Variants in SNX29 observed in about 807,000 individuals in gnomAD.
SNX29 encodes the protein sorting nexin-29.
In SNX29, 78 loss-of-function variants were observed where a neutral mutation model predicts 102.1. The observed-to-expected ratio is 0.76, with a 90% CI of 0.64 to 0.92. The LOEUF (loss-of-function observed/expected upper bound fraction) is 0.92. Ranked by LOEUF, SNX29 falls within the 40% of genes least tolerant of loss-of-function variation. The pLI, the probability that SNX29 is intolerant of heterozygous loss-of-function variation, is 0.00. For missense variants in SNX29, 1,280 were observed against 1,061.7 expected (o/e 1.21, Z -2.86); for synonymous variants, 580 against 414.5 (o/e 1.40, Z -4.85).
At chr16:12,004,079 C>T (rs556430069) in intron 3 of SNX29, among the ~76,000 whole-genome samples, 71 of 151,188 alleles carry the variant, frequency 4.7e-4, no homozygotes, top group African/African-American at 1.6e-3. Flanking sequence ...CAGTGGCTCA[C>T]GCCTGTAATC....
chr16:12,011,654 C>T (rs2056659220), intron 3 of SNX29, among the ~76,000 whole-genome samples: 1 of 152,002 alleles, frequency 6.6e-6, no homozygotes, highest in Admixed American at 6.6e-5. Context: ...ACTGCCTAGG[C>T]CATAATAAAC....
At chr16:12,411,736 C>G (rs2084405596) in intron 18 of SNX29, among the ~76,000 whole-genome samples, 1 of 152,096 alleles carries the variant, frequency 6.6e-6, no homozygotes, top group Non-Finnish European at 1.5e-5. Flanking sequence ...TAAAGGTAGC[C>G]TCGCTCTGCA....
intron 19 of SNX29, among the ~76,000 whole-genome samples, chr16:12,518,318 C>T (rs2089954265): frequency 6.6e-6 from 1 of 152,204 alleles, no homozygotes; most frequent in South Asian, 2.1e-4. Context: ...GCTGCTCACA[C>T]TGCAGTCTTA....
chr16:12,190,746 C>G (rs997942577), intron 13 of SNX29, among the ~76,000 whole-genome samples: 2 of 152,010 alleles, frequency 1.3e-5, no homozygotes, highest in Non-Finnish European at 2.9e-5. Context: ...CTCTGGGAGC[C>G]CTGACAGCTG....
intron 19 of SNX29, among the ~76,000 whole-genome samples, chr16:12,522,818 G>C (rs1182918931): frequency 6.6e-6 from 1 of 152,148 alleles, no homozygotes; most frequent in Non-Finnish European, 1.5e-5. Context: ...AGCAGTGTGA[G>C]AATGGACTAA....
intron 11 of SNX29, among the ~76,000 whole-genome samples, chr16:12,122,304 A>G (rs1350990385): frequency 6.6e-6 from 1 of 152,080 alleles, no homozygotes; most frequent in East Asian, 1.9e-4. Flanking sequence ...AAGACTCTAC[A>G]TGATGGGCTT....
At chr16:12,220,157 T>A (rs889187386) in intron 14 of SNX29, among the ~76,000 whole-genome samples, 11 of 151,082 alleles carry the variant, frequency 7.3e-5, no homozygotes, top group African/African-American at 2.7e-4. Context: ...GTAACAAGAA[T>A]GTGTGTTATT....
At chr16:12,401,508 C>T (rs576725213) in intron 17 of SNX29, among the ~76,000 whole-genome samples, 121 of 151,766 alleles carry the variant, frequency 8.0e-4, no homozygotes, top group Non-Finnish European at 1.2e-3. Flanking sequence ...GGACTACAGG[C>T]GCGTGCCACC....
chr16:12,217,479 C>T (rs770185300), intron 14 of SNX29, among the ~76,000 whole-genome samples: 1 of 152,160 alleles, frequency 6.6e-6, no homozygotes, highest in South Asian at 2.1e-4. Flanking sequence ...TTGAAACCTA[C>T]AGGTGGTAGT....
chr16:12,381,098 TCCAC>T (rs1404166432), intron 16 of SNX29, among the ~76,000 whole-genome samples: 7 of 4,668 alleles, frequency 1.5e-3, no homozygotes, highest in African/African-American at 0.012. Context: ...CCACCATCCA[TCCAC>T]CCACCCACCC....
chr16:12,039,325 G>T (rs2057564402), intron 4 of SNX29, among the ~76,000 whole-genome samples: 2 of 152,058 alleles, frequency 1.3e-5, no homozygotes, highest in Non-Finnish European at 2.9e-5. Context: ...TTATGGGAGA[G>T]GATTTTCAGG....
chr16:12,108,318 A>G (rs1041092787), intron 11 of SNX29, among the ~76,000 whole-genome samples: 1 of 152,196 alleles, frequency 6.6e-6, no homozygotes, highest in African/African-American at 2.4e-5. Flanking sequence ...TGCCCTCCTT[A>G]TGGAAGTTCC....
chr16:12,029,478 C>T (rs2057281063), intron 4 of SNX29: 1 of 444,232 alleles, frequency 2.3e-6, no homozygotes, highest in African/African-American at 2.0e-5. Flanking sequence ...CCCAAGTAGC[C>T]AGTACAGAAT....
intron 16 of SNX29, among the ~76,000 whole-genome samples, chr16:12,382,210 A>T (rs2083190146): frequency 6.6e-6 from 1 of 152,108 alleles, no homozygotes; most frequent in Non-Finnish European, 1.5e-5. Context: ...CTCAATTTTC[A>T]TTACTCCACC....
intron 3 of SNX29, among the ~76,000 whole-genome samples, chr16:12,007,657 A>G (rs571841557): frequency 1.8e-4 from 28 of 151,840 alleles, no homozygotes; most frequent in African/African-American, 5.8e-4. Context: ...AAATCCACTC[A>G]CTTCCCTCCA....
intron 17 of SNX29, among the ~76,000 whole-genome samples, chr16:12,399,350 C>A (rs1567523492): frequency 6.6e-6 from 1 of 152,198 alleles, no homozygotes; most frequent in East Asian, 1.9e-4. Flanking sequence ...CCGTGCCCAG[C>A]CGATTTTTGT....
At chr16:12,260,463 C>T (rs1447634330) in intron 14 of SNX29, among the ~76,000 whole-genome samples, 1 of 152,152 alleles carries the variant, frequency 6.6e-6, no homozygotes. Context: ...GCTTGAGGCG[C>T]TGGCCCATGT....
At chr16:12,538,240 C>G (rs558629439) in intron 20 of SNX29, among the ~76,000 whole-genome samples, 7 of 152,104 alleles carry the variant, frequency 4.6e-5, no homozygotes, top group African/African-American at 1.7e-4. Context: ...CTCAGTCTCC[C>G]TAGTAGCTGG....
chr16:12,547,941 C>G (rs554658876), intron 20 of SNX29, among the ~76,000 whole-genome samples: 2 of 152,320 alleles, frequency 1.3e-5, no homozygotes, highest in Admixed American at 6.5e-5. Flanking sequence ...AATTCCCAGT[C>G]TGCCCTCAAG....
Sources: allele counts gnomAD v4.1 joint callset (sites outside exome capture counted in the v4.1 genomes callset), GRCh38; gene constraint gnomAD v4.1.1; transcripts MANE v1.5; gene names NCBI Gene and HGNC (gene_info 2026-07-23, HGNC 2026-07-21).